Variants in GRID2 observed in about 807,000 individuals in gnomAD.
The protein encoded by GRID2 is glutamate receptor ionotropic, delta-2.
In GRID2, 33 loss-of-function variants were observed where a neutral mutation model predicts 114.8. The observed-to-expected ratio is 0.29, with a 90% CI of 0.22 to 0.38. The LOEUF (loss-of-function observed/expected upper bound fraction) is 0.38. Among genes scored for constraint, GRID2 ranks in the 10% least tolerant of loss-of-function variants. The pLI is 1.00. For missense variants in GRID2, 1,184 were observed against 1,257.7 expected (o/e 0.94, Z 0.89); for synonymous variants, 505 against 449.9 (o/e 1.12, Z -1.55).
At chr4:93,428,749 A>T (rs1447402502) in intron 10 of GRID2, among the ~76,000 whole-genome samples, 1 of 152,216 alleles carries the variant, frequency 6.6e-6, no homozygotes, top group South Asian at 2.1e-4. Flanking sequence ...TCTAACAGAT[A>T]TATTTTTAAA....
At chr4:93,015,411 T>C (rs561448721) in intron 2 of GRID2, among the ~76,000 whole-genome samples, 11 of 152,312 alleles carry the variant, frequency 7.2e-5, no homozygotes, top group Non-Finnish European at 1.6e-4. Flanking sequence ...GTCCTACCCA[T>C]AGCTAAGATT....
At chr4:92,915,888 C>T (rs1748752159) in intron 2 of GRID2, among the ~76,000 whole-genome samples, 1 of 151,996 alleles carries the variant, frequency 6.6e-6, no homozygotes, top group African/African-American at 2.4e-5. Flanking sequence ...CTGTTTATGT[C>T]CTTTGCCCAA....
intron 1 of GRID2, among the ~76,000 whole-genome samples, chr4:92,386,556 T>C (rs1022202163): frequency 6.6e-6 from 1 of 151,704 alleles, no homozygotes; most frequent in African/African-American, 2.4e-5. Context: ...AAAAAATCTT[T>C]TATGGAGAAA....
At chr4:92,512,826 A>G (rs986472127) in intron 1 of GRID2, among the ~76,000 whole-genome samples, 4 of 151,830 alleles carry the variant, frequency 2.6e-5, no homozygotes, top group Admixed American at 1.3e-4. Context: ...TGAGAACGTA[A>G]TTATATAGTT....
chr4:93,461,285 A>G (rs1723715672), intron 11 of GRID2, among the ~76,000 whole-genome samples: 1 of 152,102 alleles, frequency 6.6e-6, no homozygotes, highest in South Asian at 2.1e-4. Context: ...TCATTAAAAG[A>G]CACTGAGAGC....
chr4:93,267,276 C>A (rs553476666), intron 8 of GRID2, among the ~76,000 whole-genome samples: 1 of 151,308 alleles, frequency 6.6e-6, no homozygotes, highest in Non-Finnish European at 1.5e-5. Flanking sequence ...CATGCTGGTG[C>A]GCTGCACCCA....
intron 2 of GRID2, among the ~76,000 whole-genome samples, chr4:93,013,324 G>A (rs957534435): frequency 2.6e-5 from 4 of 151,828 alleles, no homozygotes; most frequent in Admixed American, 1.3e-4. Flanking sequence ...ATTTATTGAG[G>A]ATAACTTTAT....
chr4:93,288,427 T>G (rs1421640262), intron 8 of GRID2, among the ~76,000 whole-genome samples: 1 of 152,158 alleles, frequency 6.6e-6, no homozygotes, highest in African/African-American at 2.4e-5. Flanking sequence ...TCATATGCAC[T>G]TCCTGGGGCA....
At chr4:93,432,563 A>G (rs554440685) in intron 10 of GRID2, among the ~76,000 whole-genome samples, 1 of 152,270 alleles carries the variant, frequency 6.6e-6, no homozygotes, top group East Asian at 1.9e-4. Flanking sequence ...AGAGAAAACA[A>G]AAGAAATGAG....
At chr4:92,389,587 A>G (rs1730145473) in intron 1 of GRID2, among the ~76,000 whole-genome samples, 1 of 152,118 alleles carries the variant, frequency 6.6e-6, no homozygotes, top group Non-Finnish European at 1.5e-5. Context: ...AGTAGGTGCT[A>G]CAATCTTTAT....
chr4:92,604,222 TA>T (rs1189302045), intron 2 of GRID2, among the ~76,000 whole-genome samples: 9 of 152,142 alleles, frequency 5.9e-5, no homozygotes, highest in African/African-American at 2.2e-4. Flanking sequence ...CATTTTATTA[TA>T]AAAATACTTG....
chr4:92,755,291 G>A (rs1273669537), intron 2 of GRID2, among the ~76,000 whole-genome samples: 1 of 152,064 alleles, frequency 6.6e-6, no homozygotes, highest in Non-Finnish European at 1.5e-5. Flanking sequence ...TTTTTGGCAG[G>A]TACTGCTCTT....
At chr4:93,744,845 C>T (rs1731710156) in intron 14 of GRID2, among the ~76,000 whole-genome samples, 1 of 152,120 alleles carries the variant, frequency 6.6e-6, no homozygotes, top group Admixed American at 6.6e-5. Flanking sequence ...TATCTTACTT[C>T]AAGAATGGCT....
intron 2 of GRID2, among the ~76,000 whole-genome samples, chr4:92,745,639 T>C (rs999653453): frequency 3.3e-5 from 5 of 152,136 alleles, no homozygotes; most frequent in African/African-American, 1.2e-4. Flanking sequence ...AGTTTAATTT[T>C]TTTCAGTAGT....
At chr4:93,290,524 T>C (rs547687040) in intron 8 of GRID2, among the ~76,000 whole-genome samples, 2 of 152,316 alleles carry the variant, frequency 1.3e-5, no homozygotes, top group South Asian at 4.1e-4. Flanking sequence ...TTTTGTACTT[T>C]TGGCTTTGTT....
chr4:92,948,164 T>G (rs1028300683), intron 2 of GRID2, among the ~76,000 whole-genome samples: 1 of 151,954 alleles, frequency 6.6e-6, no homozygotes, highest in South Asian at 2.1e-4. Context: ...AAAGTATGCT[T>G]GTTACATAAA....
At position 93,389,936 on chromosome 4, in the gene GRID2, G is replaced by C. The variant is rs1013738514; in HGVS notation, c.1246-5671G>C. Among the ~76,000 whole-genome samples the C allele has an allele frequency of 2.0e-5, 3 of 152,148 alleles. No homozygotes were observed. In the South Asian group the frequency reaches 6.2e-4, roughly 32 times the overall value. Reference sequence around the variant, plus strand: ...CCCAAGTAGCTGGGATTACAGGCATGTGCCACCACACCTGGCTGATTTTTG... The same window carrying C: ...CCCAAGTAGCTGGGATTACAGGCATCTGCCACCACACCTGGCTGATTTTTG... On this transcript the variant is annotated intron_variant, in intron 8 of 15. Transcript: ENST00000282020.
chr4:93,159,368 T>C (rs922121750), intron 4 of GRID2, among the ~76,000 whole-genome samples: 2 of 151,784 alleles, frequency 1.3e-5, no homozygotes, highest in Non-Finnish European at 2.9e-5. Flanking sequence ...AAAAGCAACA[T>C]AAGATTATTG....
intron 13 of GRID2, among the ~76,000 whole-genome samples, chr4:93,524,785 G>GTATATATATA: frequency 1.1e-5 from 1 of 87,376 alleles, no homozygotes; most frequent in Non-Finnish European, 2.2e-5. Flanking sequence ...GTATGTATGT[G>GTATATATATA]TATATATATA....
Sources: allele counts gnomAD v4.1 joint callset (sites outside exome capture counted in the v4.1 genomes callset), GRCh38; gene constraint gnomAD v4.1.1; transcripts MANE v1.5; gene names NCBI Gene and HGNC (gene_info 2026-07-23, HGNC 2026-07-21).